The following ST6GALNAC5 variants were observed in gnomAD, a reference collection of about 807,000 sequenced individuals.
The protein encoded by ST6GALNAC5 is alpha-N-acetylgalactosaminide alpha-2,6-sialyltransferase 5.
Under a neutral mutation model 33.6 loss-of-function variants are expected in ST6GALNAC5, and 27 were observed. The ratio of observed to expected loss-of-function variants is 0.80; its 90% confidence interval spans 0.59 to 1.11. The LOEUF is 1.11. Ranked by LOEUF, ST6GALNAC5 falls within the 50% of genes least tolerant of loss-of-function variation. The pLI is 0.00. For synonymous variants in ST6GALNAC5, 194 were observed against 171.2 expected (o/e 1.13, Z -1.04); for missense variants, 428 against 454.0 (o/e 0.94, Z 0.52).
At chr1:76,969,656 A>T (rs928412572) in intron 2 of ST6GALNAC5, among the ~76,000 whole-genome samples, 1 of 152,218 alleles carries the variant, frequency 6.6e-6, no homozygotes, top group Non-Finnish European at 1.5e-5. Context: ...CCTGTCTGAC[A>T]GCCCTAAAGA....
At chr1:76,900,804 A>G (rs1646810154) in intron 2 of ST6GALNAC5, among the ~76,000 whole-genome samples, 1 of 152,234 alleles carries the variant, frequency 6.6e-6, no homozygotes, top group Non-Finnish European at 1.5e-5. Flanking sequence ...ATATTTAGAT[A>G]CATTTATTAC....
At chr1:77,008,269 G>GT (rs1421743910) in intron 2 of ST6GALNAC5, among the ~76,000 whole-genome samples, 1 of 152,174 alleles carries the variant, frequency 6.6e-6, no homozygotes, top group Non-Finnish European at 1.5e-5. Flanking sequence ...GGGTAAGCAG[G>GT]TATTTCAGTG....
chr1:77,029,315 G>A (rs1651364769), intron 2 of ST6GALNAC5, among the ~76,000 whole-genome samples: 1 of 152,170 alleles, frequency 6.6e-6, no homozygotes, highest in South Asian at 2.1e-4. Flanking sequence ...GCTCAAAAAT[G>A]ACAGCTTTTG....
At chr1:76,905,328 C>T (rs935672661) in intron 2 of ST6GALNAC5, among the ~76,000 whole-genome samples, 9 of 152,130 alleles carry the variant, frequency 5.9e-5, no homozygotes, top group Admixed American at 1.3e-4. Context: ...CCATTTCATT[C>T]TTATTGTCTT....
At chr1:76,905,455 A>T (rs1325353887) in intron 2 of ST6GALNAC5, among the ~76,000 whole-genome samples, 1 of 152,202 alleles carries the variant, frequency 6.6e-6, no homozygotes, top group African/African-American at 2.4e-5. Flanking sequence ...TAGAGACAGA[A>T]GGTATAGACA....
At chr1:77,039,645 T>C (rs1651769467) in intron 2 of ST6GALNAC5, among the ~76,000 whole-genome samples, 1 of 152,210 alleles carries the variant, frequency 6.6e-6, no homozygotes, top group Non-Finnish European at 1.5e-5. Flanking sequence ...AATTAAATGA[T>C]TTTTCTTATG....
At chr1:76,907,065 C>G (rs539890999) in intron 2 of ST6GALNAC5, among the ~76,000 whole-genome samples, 1 of 152,242 alleles carries the variant, frequency 6.6e-6, no homozygotes, top group South Asian at 2.1e-4. Flanking sequence ...TATTGCCCAT[C>G]TACAGGGGAC....
rs1652807049 is a variant in ST6GALNAC5, at chr1:77,067,161, G to A, written c.*3955G>A. Among the ~76,000 whole-genome samples the A allele has an allele frequency of 6.6e-6, 1 of 151,978 alleles. No homozygotes were observed. The highest frequency in any genetic ancestry group is 1.5e-5 in the Non-Finnish European group (1 of 67,996). ...AGAGAACTATAATAATAAGCCCTGG[G>A]GGGCAGGATGTGTGAACCAATTGCC... is the stretch of plus-strand genomic sequence containing the variant. On this transcript the variant is annotated 3_prime_UTR_variant, in exon 5 of 5. Coordinates refer to ENST00000477717, the MANE Select transcript of ST6GALNAC5 (RefSeq NM_030965.3).
intron 2 of ST6GALNAC5, among the ~76,000 whole-genome samples, chr1:76,983,261 A>G (rs1649332526): frequency 6.6e-6 from 1 of 152,224 alleles, no homozygotes; most frequent in Admixed American, 6.5e-5. Context: ...TGTATTCAGG[A>G]GACCCATCTC....
chr1:77,003,843 G>C (rs2100414243), intron 2 of ST6GALNAC5, among the ~76,000 whole-genome samples: 1 of 148,306 alleles, frequency 6.7e-6, no homozygotes, highest in African/African-American at 2.5e-5. Flanking sequence ...GGCTTGTAGG[G>C]TTTCTGCCGA....
At chr1:76,948,777 G>A (rs1359159731) in intron 2 of ST6GALNAC5, among the ~76,000 whole-genome samples, 1 of 152,026 alleles carries the variant, frequency 6.6e-6, no homozygotes, top group Non-Finnish European at 1.5e-5. Flanking sequence ...ACTCCAAAAA[G>A]ATATCAAGAA....
At chr1:77,002,154 G>T (rs888343514) in intron 2 of ST6GALNAC5, among the ~76,000 whole-genome samples, 13 of 152,124 alleles carry the variant, frequency 8.5e-5, no homozygotes, top group African/African-American at 2.9e-4. Flanking sequence ...ATTGATTATT[G>T]TCACAATTTC....
chr1:77,037,514 A>G (rs1214178616), intron 2 of ST6GALNAC5, among the ~76,000 whole-genome samples: 1 of 152,222 alleles, frequency 6.6e-6, no homozygotes, highest in African/African-American at 2.4e-5. Flanking sequence ...ATACCCATGT[A>G]ACAAATCTGC....
chr1:77,033,739 G>T (rs1428428191), intron 2 of ST6GALNAC5, among the ~76,000 whole-genome samples: 1 of 152,200 alleles, frequency 6.6e-6, no homozygotes, highest in Non-Finnish European at 1.5e-5. Context: ...GGAGACCAGA[G>T]AAGGAATGCT....
At chr1:76,986,859 C>T (rs1294308181) in intron 2 of ST6GALNAC5, among the ~76,000 whole-genome samples, 1 of 152,132 alleles carries the variant, frequency 6.6e-6, no homozygotes. Flanking sequence ...GAGTTCATGT[C>T]CTTTGTAGGG....
intron 2 of ST6GALNAC5, among the ~76,000 whole-genome samples, chr1:77,020,428 T>A (rs1188623980): frequency 6.6e-6 from 1 of 152,142 alleles, no homozygotes; most frequent in Non-Finnish European, 1.5e-5. Flanking sequence ...GGATACAGGA[T>A]CTCACTTTGT....
intron 2 of ST6GALNAC5, among the ~76,000 whole-genome samples, chr1:77,025,157 T>C (rs971980912): frequency 1.3e-5 from 2 of 152,238 alleles, no homozygotes; most frequent in Non-Finnish European, 2.9e-5. Flanking sequence ...TTATCCCTTT[T>C]GGCTTTAGAA....
At chr1:76,952,657 T>C (rs1180959977) in intron 2 of ST6GALNAC5, among the ~76,000 whole-genome samples, 2 of 151,952 alleles carry the variant, frequency 1.3e-5, no homozygotes, top group African/African-American at 4.8e-5. Flanking sequence ...ATGTACCCCA[T>C]AAACATGTAC....
intron 2 of ST6GALNAC5, among the ~76,000 whole-genome samples, chr1:76,899,265 T>C (rs1646790299): frequency 6.6e-6 from 1 of 151,526 alleles, no homozygotes; most frequent in Non-Finnish European, 1.5e-5. Flanking sequence ...GGTGAAAGCT[T>C]GCCCATAGTG....
Sources: gnomAD v4.1 joint callset for allele counts (sites outside exome capture counted in the v4.1 genomes callset) on GRCh38, gnomAD v4.1.1 for gene constraint, MANE v1.5 for transcripts, NCBI Gene and HGNC (gene_info 2026-07-23, HGNC 2026-07-21) for gene names.